NCALD: variants seen among roughly 807,000 people sequenced by gnomAD.
The protein encoded by NCALD is neurocalcin-delta.
In NCALD, 10 loss-of-function variants were observed where a neutral mutation model predicts 18.6. The ratio of observed to expected loss-of-function variants is 0.54; its 90% confidence interval spans 0.33 to 0.91. NCALD has a LOEUF of 0.91. NCALD is among the 40% of genes least tolerant of loss of function. The pLI is 0.03. For missense variants in NCALD, 184 were observed against 247.6 expected, an observed-to-expected ratio of 0.74 and a Z score of 1.72; for synonymous variants, 88 against 87.4, an observed-to-expected ratio of 1.01 and a Z score of -0.04.
chr8:102,085,136 G>A (rs1052305928), intron 1 of NCALD, among the ~76,000 whole-genome samples: 1 of 152,068 alleles, frequency 6.6e-6, no homozygotes, highest in African/African-American at 2.4e-5. Context: ...ACTTAACTTG[G>A]GGTGTCTCAA....
intron 2 of NCALD, among the ~76,000 whole-genome samples, chr8:101,930,812 G>T (rs1818545215): frequency 6.6e-6 from 1 of 152,174 alleles, no homozygotes; most frequent in Non-Finnish European, 1.5e-5. Flanking sequence ...TGAAGTGAGT[G>T]TGTGAAAGTT....
chr8:101,724,468 G>A (rs1816490085), intron 1 of NCALD, among the ~76,000 whole-genome samples: 1 of 152,180 alleles, frequency 6.6e-6, no homozygotes, highest in African/African-American at 2.4e-5. Flanking sequence ...ACTAGCTGGT[G>A]GGTAATTCAC....
intron 2 of NCALD, among the ~76,000 whole-genome samples, chr8:101,700,134 C>G (rs1586236697): frequency 6.6e-6 from 1 of 151,742 alleles, no homozygotes; most frequent in African/African-American, 2.4e-5. Flanking sequence ...TATCATGGCT[C>G]ACTGCAGCCT....
intron 2 of NCALD, among the ~76,000 whole-genome samples, chr8:101,919,303 G>T (rs1183092957): frequency 6.6e-6 from 1 of 152,150 alleles, no homozygotes; most frequent in Non-Finnish European, 1.5e-5. Flanking sequence ...TCAAAAAATG[G>T]TGCTCAGATA....
At chr8:101,964,518 T>C (rs560904068) in intron 2 of NCALD, among the ~76,000 whole-genome samples, 4 of 152,124 alleles carry the variant, frequency 2.6e-5, no homozygotes, top group Admixed American at 6.6e-5. Flanking sequence ...GGAAACAGTA[T>C]GAGGAGAGCA....
chr8:101,714,767 C>A (rs1326894114), intron 2 of NCALD, among the ~76,000 whole-genome samples: 1 of 151,034 alleles, frequency 6.6e-6, no homozygotes, highest in South Asian at 2.1e-4. Context: ...GAGGCCGAGG[C>A]GGGTGGATCA....
At chr8:101,962,126 T>C (rs2131854659) in intron 2 of NCALD, among the ~76,000 whole-genome samples, 1 of 152,178 alleles carries the variant, frequency 6.6e-6, no homozygotes, top group Non-Finnish European at 1.5e-5. Context: ...ACTTAACCAC[T>C]CAAAAACCCA....
intron 2 of NCALD, among the ~76,000 whole-genome samples, chr8:101,710,374 T>C (rs1815728775): frequency 2.0e-5 from 3 of 152,166 alleles, no homozygotes; most frequent in Admixed American, 1.3e-4. Flanking sequence ...CAGATGTTTT[T>C]TTTTGTACTC....
At chr8:101,975,063 G>C (rs1162623415) in intron 2 of NCALD, among the ~76,000 whole-genome samples, 1 of 152,156 alleles carries the variant, frequency 6.6e-6, no homozygotes, top group African/African-American at 2.4e-5. Context: ...ATGTACAAAT[G>C]AAATATTATA....
intron 4 of NCALD, among the ~76,000 whole-genome samples, chr8:101,823,864 T>C (rs1392074560): frequency 1.3e-5 from 2 of 152,064 alleles, no homozygotes; most frequent in Non-Finnish European, 2.9e-5. Context: ...AAGAGGAAAA[T>C]TCTGGAAAGA....
chr8:101,831,078 C>T (rs150243355), intron 4 of NCALD, among the ~76,000 whole-genome samples: 57 of 152,136 alleles, frequency 3.7e-4, no homozygotes, highest in Non-Finnish European at 6.8e-4. Context: ...AAAACAGACA[C>T]GATATGGCAG....
At chr8:101,729,498 C>G (rs551978208) in intron 1 of NCALD, among the ~76,000 whole-genome samples, 1 of 152,134 alleles carries the variant, frequency 6.6e-6, no homozygotes, top group Non-Finnish European at 1.5e-5. Context: ...CTCTTCCCAG[C>G]GAGGCTGGGC....
At chr8:101,899,400 T>A (rs994389289) in intron 3 of NCALD, among the ~76,000 whole-genome samples, 3 of 152,024 alleles carry the variant, frequency 2.0e-5, no homozygotes, top group Admixed American at 6.5e-5. Flanking sequence ...TCCTCTTCTC[T>A]ATTGCATGTC....
intron 1 of NCALD, among the ~76,000 whole-genome samples, chr8:101,787,461 G>A (rs1287986221): frequency 2.0e-5 from 3 of 152,056 alleles, no homozygotes; most frequent in South Asian, 4.1e-4. Flanking sequence ...TCTCTTACGC[G>A]GAGACAGTGG....
chr8:101,861,173 T>A (rs1471491859), intron 4 of NCALD, among the ~76,000 whole-genome samples: 1 of 152,098 alleles, frequency 6.6e-6, no homozygotes, highest in African/African-American at 2.4e-5. Flanking sequence ...TAAATCTGTG[T>A]TACTTTAAGT....
chr8:101,867,844 A>C (rs1815836530), intron 4 of NCALD, among the ~76,000 whole-genome samples: 1 of 152,120 alleles, frequency 6.6e-6, no homozygotes, highest in Non-Finnish European at 1.5e-5. Context: ...ATTGAAGTTC[A>C]TTGTTCACTC....
chr8:101,727,767 G>A lies in NCALD; in HGVS notation c.-19-8119C>T, dbSNP rs542102137. Among the ~76,000 whole-genome samples, 12 of 152,334 alleles carry A rather than the reference G, an allele frequency of 7.9e-5. No homozygotes were observed. In the South Asian group the frequency reaches 1.0e-3, roughly 13 times the overall value. On this transcript the variant is annotated intron_variant, in intron 1 of 3. Coordinates refer to ENST00000220931, the MANE Select transcript of NCALD (RefSeq NM_032041.3). The stretch of plus-strand genomic sequence containing the variant: ...CCCTCTTTGGCTCACAAGGCTCTGC[G>A]TGAGCTGGCCCTGGGCCATCTCTGA...
chr8:101,965,014 A>G (rs1819969395), intron 2 of NCALD, among the ~76,000 whole-genome samples: 1 of 152,200 alleles, frequency 6.6e-6, no homozygotes, highest in Non-Finnish European at 1.5e-5. Context: ...TATGAAAAAA[A>G]GCTCATCATC....
intron 4 of NCALD, among the ~76,000 whole-genome samples, chr8:101,817,508 T>A (rs931603131): frequency 2.6e-5 from 4 of 151,728 alleles, no homozygotes; most frequent in Non-Finnish European, 5.9e-5. Flanking sequence ...TCTGACAGCA[T>A]AAATAATGCA....
Sources: gnomAD v4.1 joint callset for allele counts (sites outside exome capture counted in the v4.1 genomes callset) on GRCh38, gnomAD v4.1.1 for gene constraint, MANE v1.5 for transcripts, NCBI Gene and HGNC (gene_info 2026-07-23, HGNC 2026-07-21) for gene names.